Variants in SEC14L3 observed in about 807,000 individuals in gnomAD.
SEC14L3 encodes the protein SEC14-like protein 3.
SEC14L3 carries 56 observed loss-of-function variants against 57.4 expected under a neutral mutation model. The observed-to-expected ratio is 0.97, with a 90% confidence interval of 0.79 to 1.22. The LOEUF (loss-of-function observed/expected upper bound fraction) is 1.22, where lower values mean the gene tolerates loss of function less well. SEC14L3 is among the 50% of genes most tolerant of loss of function. The probability of loss-of-function intolerance (pLI) is 0.00; values close to 1 mark genes in which losing one functional copy is unlikely to be tolerated. For missense variants in SEC14L3, 485 were observed against 511.7 expected, an observed-to-expected ratio of 0.95 and a Z score of 0.50; for synonymous variants, 173 against 194.4, an observed-to-expected ratio of 0.89 and a Z score of 0.92.
chr22:30,458,864 G>A (rs567308745), downstream of SEC14L3, among the ~76,000 whole-genome samples: 32 of 152,196 alleles, frequency 2.1e-4, no homozygotes, highest in South Asian at 6.2e-4. Flanking sequence ...AATTAGCCAA[G>A]TGTGGTGATG....
At chr22:30,471,806 T>C (rs1601829748) in intron 1 of SEC14L3, 99 bp downstream of exon 1, 2 of 1,525,924 alleles carry the variant, frequency 1.3e-6, no homozygotes, top group Admixed American at 1.7e-5. Context: ...GTCAAGGACA[T>C]GCTGAATCAA....
chr22:30,455,710 T>C (rs1344934967), downstream of SEC14L3, among the ~76,000 whole-genome samples: 1 of 152,194 alleles, frequency 6.6e-6, no homozygotes, highest in Non-Finnish European at 1.5e-5. Flanking sequence ...CAGCATAGTG[T>C]TGCCCACCGG....
downstream of SEC14L3, among the ~76,000 whole-genome samples, chr22:30,454,460 C>T (rs975615444): frequency 9.6e-6 from 1 of 103,852 alleles, no homozygotes; most frequent in Non-Finnish European, 2.0e-5. Context: ...AAAAATAACC[C>T]TTGTTTCTCT....
At chr22:30,452,308 G>C (rs1247092290) in intron 12 of SEC14L3, among the ~76,000 whole-genome samples, 1 of 143,882 alleles carries the variant, frequency 7.0e-6, no homozygotes, top group Non-Finnish European at 1.5e-5. Context: ...GAGTGCAGTG[G>C]TGCAAACTCG....
chr22:30,459,282 A>C lies in SEC14L3; in HGVS notation c.*739T>G. 1.0e-6 allele frequency: 1 copy of C among 985,436 alleles called. No individual in the cohort carries two copies. The highest frequency in any genetic ancestry group is 1.2e-6 in the Non-Finnish European group (1 of 829,940). The allele number at this position is 985,436 out of a possible 1,614,324, so 61.0% of individuals were successfully genotyped here. A position where few individuals can be genotyped will look rare whatever the true frequency, so the allele number is the denominator to read the frequency against. ...GCCAGATGTGACTGCCTTTGCTTCC[A>C]GGAAAGTCCCTAAAACATAAGCTAT... On this transcript the variant is annotated 3_prime_UTR_variant, in exon 12 of 12. Transcript: ENST00000215812.
At chr22:30,454,024 G>T (rs1038250977) in intron 12 of SEC14L3, among the ~76,000 whole-genome samples, 1 of 152,010 alleles carries the variant, frequency 6.6e-6, no homozygotes, top group African/African-American at 2.4e-5. Context: ...TGTTCTTTCT[G>T]GTCTCAGCCA....
chr22:30,454,766 A>C (rs1348045246), downstream of SEC14L3, among the ~76,000 whole-genome samples: 3 of 81,972 alleles, frequency 3.7e-5, no homozygotes, highest in Non-Finnish European at 6.1e-5. Flanking sequence ...AATATATAAT[A>C]TATAATATAT....
downstream of SEC14L3, among the ~76,000 whole-genome samples, chr22:30,456,724 T>C (rs142593889): frequency 2.0e-4 from 30 of 152,290 alleles, no homozygotes; most frequent in African/African-American, 6.5e-4. Flanking sequence ...TTAGTGACCA[T>C]TGGCCAAAGC....
At chr22:30,462,399 G>T in intron 8 of SEC14L3, 1 of 309,106 alleles carries the variant, frequency 3.2e-6, no homozygotes, top group Non-Finnish European at 4.7e-6. Flanking sequence ...CGCCTTGATA[G>T]ATGAATCAGC....
intron 12 of SEC14L3, among the ~76,000 whole-genome samples, chr22:30,451,315 T>G (rs543969335): frequency 6.6e-6 from 1 of 151,964 alleles, no homozygotes; most frequent in Non-Finnish European, 1.5e-5. Context: ...GTGGGGTTAG[T>G]CGGGGAGGGG....
chr22:30,457,329 T>C (rs558265723), downstream of SEC14L3, among the ~76,000 whole-genome samples: 69 of 151,914 alleles, frequency 4.5e-4, 2 homozygotes, highest in Admixed American at 1.8e-3. Context: ...ATAAGATGCA[T>C]AGGTCAATTT....
At chr22:30,456,487 G>A (rs1320240775), downstream of SEC14L3, among the ~76,000 whole-genome samples, 1 of 152,072 alleles carries the variant, frequency 6.6e-6, no homozygotes, top group East Asian at 1.9e-4. Context: ...AGAGGAAGGG[G>A]AGCCAGCGTG....
chr22:30,453,745 C>T (rs879875587), intron 12 of SEC14L3, among the ~76,000 whole-genome samples: 2 of 152,136 alleles, frequency 1.3e-5, no homozygotes, highest in Non-Finnish European at 2.9e-5. Flanking sequence ...CACAGGCCTG[C>T]CTTGGGAAGT....
chr22:30,468,505 C>T lies in SEC14L3; in HGVS notation c.423+3G>A. ...CATCCACCCCACCTGGCCTGGACCT[C>T]ACCCTCTCTGTCTGCAGGTCACACT... On this transcript the variant is annotated splice_donor_region_variant and intron_variant, in intron 5 of 11. Transcript: ENST00000215812. The T allele has an allele frequency of 6.2e-7, 1 of 1,608,650 alleles. No individual in the cohort carries two copies. Among genetic ancestry groups the T allele is most frequent in the South Asian group, 1.1e-5 (1 of 90,782 alleles).
In SEC14L3 at chr22:30,467,030, G is replaced by A. The variant is rs1250549641; in HGVS notation, c.471C>T (p.Gly157=). 3 of 1,614,006 alleles carry A rather than the reference G, an allele frequency of 1.9e-6. No individual in the cohort carries two copies. Among genetic ancestry groups the A allele is most frequent in the Middle Eastern group, 1.7e-4 (1 of 6,056 alleles). ...GTTTCCAGAAGTGTTTCAGTCCCAGGCCCTCACAGTCAAATATCATCACGA... is the reference window on the plus strand; with the variant it reads ...GTTTCCAGAAGTGTTTCAGTCCCAGACCCTCACAGTCAAATATCATCACGA... The part of the protein sequence containing the change: ...ETIVMIFDCE[G]LGLKHFWKPL... Residue 157 remains glycine, a synonymous_variant, in exon 6 of 12, where the codon GGC becomes GGT. Transcript: ENST00000215812.
chr22:30,457,765 C>A (rs1172952711), downstream of SEC14L3, among the ~76,000 whole-genome samples: 1 of 151,650 alleles, frequency 6.6e-6, no homozygotes, highest in Non-Finnish European at 1.5e-5. Flanking sequence ...CTCCTTCCTC[C>A]TCCCTCCTCC....
Position 30,466,373 on chromosome 22 carries a change from T to A in SEC14L3, c.541A>T (p.Asn181Tyr). The change falls in exon 7 of 12, where the codon AAT (asparagine) becomes TAT (tyrosine). Residue 181 changes from asparagine to tyrosine, a missense_variant. Asn to Tyr is a moderately radical substitution (Grantham distance 143). Transcript: ENST00000215812. ...YQEFFGLLEENYPETLKFMLI... is the reference protein window; with the variant it reads ...YQEFFGLLEEYYPETLKFMLI... ...ATGAACTTCAGGGTCTCTGGGTAAT[T>A]CTCTTCAAGGAGGCCAAAGAACTGT... The A allele has an allele frequency of 6.2e-7, 1 of 1,614,084 alleles. No homozygotes were observed. The highest frequency in any genetic ancestry group is 8.5e-7 in the Non-Finnish European group (1 of 1,179,986).
chr22:30,450,147 T>G (rs1934953311), intron 12 of SEC14L3, among the ~76,000 whole-genome samples: 1 of 152,076 alleles, frequency 6.6e-6, no homozygotes, highest in Non-Finnish European at 1.5e-5. Flanking sequence ...ATGGGCACGA[T>G]GTAGTTCAAC....
exon 13 of SEC14L3, chr22:30,448,316 C>A (rs1283973776): frequency 6.6e-6 from 1 of 152,174 alleles, no homozygotes; most frequent in Non-Finnish European, 1.5e-5. Context: ...CTGAAGCCAC[C>A]AGGATCCCAG....
Sources: gnomAD v4.1 joint callset for allele counts (sites outside exome capture counted in the v4.1 genomes callset) on GRCh38, gnomAD v4.1.1 for gene constraint, MANE v1.5 for transcripts, NCBI Gene and HGNC (gene_info 2026-07-23, HGNC 2026-07-21) for gene names.